STAM2: variants seen among roughly 807,000 people sequenced by gnomAD.
The protein encoded by STAM2 is signal transducing adapter molecule 2.
A neutral mutation model predicts 65.6 loss-of-function variants in STAM2; 51 were observed. That is an observed-to-expected ratio of 0.78 (90% CI 0.62 to 0.98). The LOEUF (loss-of-function observed/expected upper bound fraction) is 0.98. STAM2 is among the 50% of genes least tolerant of loss of function. The pLI is 0.00. For missense variants in STAM2, 584 were observed against 617.8 expected (o/e 0.95, Z 0.58); for synonymous variants, 198 against 208.4 (o/e 0.95, Z 0.43).
chr2:152,166,145 G>A (rs936950334), intron 1 of STAM2, among the ~76,000 whole-genome samples: 1 of 151,972 alleles, frequency 6.6e-6, no homozygotes, highest in African/African-American at 2.4e-5. Context: ...CTGCATTCCA[G>A]GCTGGGGGGC....
intron 1 of STAM2, among the ~76,000 whole-genome samples, chr2:152,156,808 T>TA (rs1689564158): frequency 6.6e-6 from 1 of 152,056 alleles, no homozygotes; most frequent in Non-Finnish European, 1.5e-5. Context: ...CTACATAAAA[T>TA]AAGAATGCTG....
chr2:152,129,815 C>T (rs765735991), intron 11 of STAM2, among the ~76,000 whole-genome samples: 13 of 152,250 alleles, frequency 8.5e-5, no homozygotes, highest in East Asian at 3.9e-4. Flanking sequence ...AGATGTGTAA[C>T]GAGATATTTA....
At chr2:152,162,948 C>T (rs1689712306) in intron 1 of STAM2, among the ~76,000 whole-genome samples, 1 of 152,214 alleles carries the variant, frequency 6.6e-6, no homozygotes, top group Non-Finnish European at 1.5e-5. Context: ...GCATGAGCCA[C>T]TGTGCCTGGT....
At chr2:152,172,047 A>C (rs1689906880) in intron 1 of STAM2, among the ~76,000 whole-genome samples, 1 of 152,196 alleles carries the variant, frequency 6.6e-6, no homozygotes, top group South Asian at 2.1e-4. Context: ...TTCTACAAGA[A>C]TGGCTACTCC....
chr2:152,156,818 G>A (rs1313646101), intron 1 of STAM2, among the ~76,000 whole-genome samples: 1 of 152,026 alleles, frequency 6.6e-6, no homozygotes, highest in Non-Finnish European at 1.5e-5. Context: ...TAAGAATGCT[G>A]CAAGAAAACT....
chr2:152,175,563 G>A (rs764278923), intron 1 of STAM2, 40 bp downstream of exon 1: 4 of 1,613,128 alleles, frequency 2.5e-6, no homozygotes, highest in South Asian at 1.1e-5. Context: ...GCAGTCCAGG[G>A]CCAGGCACAC....
intron 4 of STAM2, among the ~76,000 whole-genome samples, chr2:152,147,519 C>T (rs1231197931): frequency 6.6e-6 from 1 of 152,096 alleles, no homozygotes; most frequent in East Asian, 1.9e-4. Flanking sequence ...GTTTTTAACA[C>T]CAATTCCTAA....
At chr2:152,158,244 A>AG (rs1046360450) in intron 1 of STAM2, among the ~76,000 whole-genome samples, 3 of 152,182 alleles carry the variant, frequency 2.0e-5, no homozygotes, top group Admixed American at 6.5e-5. Context: ...TGGGAAGCCA[A>AG]GGGGGGTGGA....
Position 152,120,433 on chromosome 2 carries a change from G to A in STAM2, c.*141C>T. 3.5e-6 allele frequency: 2 copies of A among 578,142 alleles called. No homozygotes were observed. Among genetic ancestry groups the A allele is most frequent in the African/African-American group, 1.9e-5 (1 of 51,744 alleles). The allele number at this position is 578,142 out of a possible 1,614,324, so 35.8% of individuals were successfully genotyped here. ...AAAAAAAACCTTTTATGGCCTTGTA[G>A]AATAAGAGAGGTTTTTGTGCTTTAT... is the stretch of plus-strand genomic sequence containing the variant. On this transcript the variant is annotated 3_prime_UTR_variant, in exon 14 of 14. Coordinates refer to ENST00000263904, the MANE Select transcript of STAM2 (RefSeq NM_005843.6).
chr2:152,136,485 A>G (rs926309831), intron 7 of STAM2, among the ~76,000 whole-genome samples: 17 of 152,222 alleles, frequency 1.1e-4, no homozygotes, highest in African/African-American at 3.9e-4. Flanking sequence ...AACAGGAAAC[A>G]CAAGTGCCCT....
chr2:152,135,751 A>G, intron 7 of STAM2, 148 bp from the exon 8 acceptor site: 1 of 597,650 alleles, frequency 1.7e-6, no homozygotes, highest in South Asian at 2.2e-5. Flanking sequence ...TTAATAAACG[A>G]TATTAAAAAG....
intron 13 of STAM2, 47 bp downstream of exon 13, chr2:152,123,719 C>A (rs375789906): frequency 2.6e-6 from 4 of 1,566,794 alleles, no homozygotes; most frequent in African/African-American, 1.4e-5. Context: ...TTCTGAAAAT[C>A]TAGGAAAATT....
intron 7 of STAM2, among the ~76,000 whole-genome samples, chr2:152,138,833 G>C (rs1306599770): frequency 1.3e-5 from 2 of 152,172 alleles, no homozygotes; most frequent in African/African-American, 4.8e-5. Flanking sequence ...AAGGAGAGCT[G>C]AACTTGAGAA....
chr2:152,147,900 A>T, intron 4 of STAM2, 124 bp downstream of exon 4: 1 of 752,580 alleles, frequency 1.3e-6, no homozygotes, highest in Non-Finnish European at 2.1e-6. Flanking sequence ...AGAACAGTTT[A>T]TTTCATTTCA....
chr2:152,141,437 G>A (rs921275661), intron 7 of STAM2, among the ~76,000 whole-genome samples: 2 of 151,554 alleles, frequency 1.3e-5, no homozygotes, highest in African/African-American at 4.8e-5. Flanking sequence ...GGGAGGCTGA[G>A]GCAGGAGAAT....
intron 11 of STAM2, among the ~76,000 whole-genome samples, chr2:152,128,673 G>C (rs1369509888): frequency 1.3e-5 from 2 of 152,132 alleles, no homozygotes; most frequent in African/African-American, 4.8e-5. Context: ...TTGGAGGACA[G>C]GAGGAAATAA....
rs192056074 is a variant in STAM2, at chr2:152,140,635, A to T, written c.704+3192T>A. ...ACCTGTTTTACTTTTTAACATGGGG[A>T]GGCAACTTTTCTAAAGCCTGGACTC... On this transcript the variant is annotated intron_variant, in intron 7 of 13. Transcript: ENST00000263904. 1.5e-3 allele frequency among the ~76,000 whole-genome samples: 234 copies of T among 152,298 alleles called. 1 individual carries two copies. Among genetic ancestry groups the T allele is most frequent in the African/African-American group, 5.4e-3 (226 of 41,552 alleles).
intron 1 of STAM2, among the ~76,000 whole-genome samples, chr2:152,163,940 T>C (rs1208333804): frequency 6.6e-6 from 1 of 152,204 alleles, no homozygotes; most frequent in Non-Finnish European, 1.5e-5. Flanking sequence ...CAAGACAATA[T>C]GTGCACAGCT....
At chr2:152,172,376 G>C (rs1689911167) in intron 1 of STAM2, among the ~76,000 whole-genome samples, 1 of 152,034 alleles carries the variant, frequency 6.6e-6, no homozygotes, top group Non-Finnish European at 1.5e-5. Flanking sequence ...GCCTTCCTAA[G>C]ACATCTTGAC....
Sources: allele counts gnomAD v4.1 joint callset (sites outside exome capture counted in the v4.1 genomes callset), GRCh38; gene constraint gnomAD v4.1.1; transcripts MANE v1.5; gene names NCBI Gene and HGNC (gene_info 2026-07-23, HGNC 2026-07-21).